CLCN3: variants seen among roughly 807,000 people sequenced by gnomAD.
CLCN3 encodes the protein H(+)/Cl(-) exchange transporter 3.
CLCN3 carries 16 observed loss-of-function variants against 83.4 expected under a neutral mutation model. That is an observed-to-expected ratio of 0.19 (90% CI 0.13 to 0.29). The LOEUF (loss-of-function observed/expected upper bound fraction) is 0.29. CLCN3 is among the 10% of genes least tolerant of loss of function. The pLI, the probability that CLCN3 is intolerant of heterozygous loss-of-function variation, is 1.00. For missense variants in CLCN3, 544 were observed against 1,006.0 expected, an observed-to-expected ratio of 0.54 and a Z score of 6.21; for synonymous variants, 322 against 346.2, an observed-to-expected ratio of 0.93 and a Z score of 0.78.
chr4:169,691,472 G>A (rs942883997), intron 6 of CLCN3, among the ~76,000 whole-genome samples: 4 of 152,154 alleles, frequency 2.6e-5, no homozygotes, highest in African/African-American at 9.6e-5. Context: ...TCACAATAAA[G>A]TAGAGTTATA....
chr4:169,712,052 A>G (rs1276155339), intron 11 of CLCN3, among the ~76,000 whole-genome samples: 5 of 141,456 alleles, frequency 3.5e-5, no homozygotes, highest in Non-Finnish European at 7.6e-5. Flanking sequence ...TTGTAGAAGC[A>G]AGGTTTCCCT....
chr4:169,625,982 G>A (rs1560824000), intron 1 of CLCN3, among the ~76,000 whole-genome samples: 2 of 152,168 alleles, frequency 1.3e-5, no homozygotes, highest in African/African-American at 2.4e-5. Context: ...CGGTGTACCT[G>A]GAGGTAGTGT....
In CLCN3 at chr4:169,723,047, CTTAG is replaced by C. The variant is rs1346498584; in HGVS notation, c.*3054_*3057del. 3 of 152,132 alleles carry C rather than the reference CTTAG, an allele frequency of 2.0e-5. No individual in the cohort carries two copies. The highest frequency in any genetic ancestry group is 2.1e-4 in the South Asian group (1 of 4,826). 9.4% of individuals were successfully genotyped at this position (152,132 alleles called of 1,614,324 possible). A position where few individuals can be genotyped will look rare whatever the true frequency, so the allele number is the denominator to read the frequency against. Reference sequence around the variant, plus strand: ...TTTCAGTTTTGGTTCACGAAGAATGCTTAGTTAATCTGTAATGTTGCCTAGAGCT... The same window carrying C: ...TTTCAGTTTTGGTTCACGAAGAATGCTTAATCTGTAATGTTGCCTAGAGCT... On this transcript the variant is annotated 3_prime_UTR_variant, in exon 13 of 13. Transcript: ENST00000513761.
At chr4:169,718,995 TC>T (rs1733530547) in intron 12 of CLCN3, among the ~76,000 whole-genome samples, 1 of 152,216 alleles carries the variant, frequency 6.6e-6, no homozygotes, top group Non-Finnish European at 1.5e-5. Context: ...TTGATAAGTG[TC>T]CTAGAAACTT....
intron 2 of CLCN3, among the ~76,000 whole-genome samples, chr4:169,674,905 C>A (rs560779093): frequency 2.0e-5 from 3 of 152,248 alleles, no homozygotes; most frequent in Middle Eastern, 3.4e-3. Flanking sequence ...TGCACACCAC[C>A]ATGCCCAGCT....
chr4:169,659,866 T>C (rs746284186), intron 2 of CLCN3, among the ~76,000 whole-genome samples: 80 of 152,022 alleles, frequency 5.3e-4, no homozygotes, highest in Admixed American at 4.7e-3. Flanking sequence ...CTTACTAGAG[T>C]GCTGCTCTCA....
In CLCN3 at chr4:169,720,525, TTTCTC is replaced by T. The variant is rs1733597031; in HGVS notation, c.*530_*534del. On this transcript the variant is annotated 3_prime_UTR_variant, in exon 13 of 13. Coordinates refer to ENST00000513761, the MANE Select transcript of CLCN3 (RefSeq NM_001829.4). ...TTTCTACATTCCAGAAGAGCCTTTA[TTTCTC>T]TCTCTCTCTCTCTCTCTCTCTCTCT... The T allele has an allele frequency of 1.7e-5, 2 of 114,742 alleles. No individual in the cohort carries two copies. The highest frequency in any genetic ancestry group is 3.6e-5 in the Non-Finnish European group (2 of 56,210). The allele number at this position is 114,742 out of a possible 1,614,324, so 7.1% of individuals were successfully genotyped here.
rs551118192 is a variant in CLCN3 at position 169,679,140 on chromosome 4, C to T, written c.161-910C>T. Among the ~76,000 whole-genome samples the T allele has an allele frequency of 6.3e-5, 9 of 141,962 alleles. No homozygotes were observed. The East Asian group carries it at 1.1e-3, about 17-fold the overall frequency. 93.1% of individuals were successfully genotyped at this position (141,962 alleles called of 152,430 possible). Reference sequence around the variant, plus strand: ...GGGCTCCTCACTTCTCAGATGGGGTCGCGGCTGGGCAGAGGTGCTCCTCAC... The same window carrying T: ...GGGCTCCTCACTTCTCAGATGGGGTTGCGGCTGGGCAGAGGTGCTCCTCAC... On this transcript the variant is annotated intron_variant, in intron 2 of 12. Coordinates refer to ENST00000513761, the MANE Select transcript of CLCN3 (RefSeq NM_001829.4).
chr4:169,655,132 A>G (rs1388604334), intron 2 of CLCN3, among the ~76,000 whole-genome samples: 1 of 152,070 alleles, frequency 6.6e-6, no homozygotes, highest in African/African-American at 2.4e-5. Flanking sequence ...ATAACTCCCA[A>G]TATTCTTTGG....
chr4:169,660,608 G>T (rs1407761554), intron 2 of CLCN3, among the ~76,000 whole-genome samples: 1 of 152,112 alleles, frequency 6.6e-6, no homozygotes, highest in Non-Finnish European at 1.5e-5. Context: ...CCTTCTGAAT[G>T]GTTGTGTAGC....
In CLCN3 at chr4:169,630,872, A is replaced by G. The variant is rs1320296494; in HGVS notation, c.-16-5041A>G. On this transcript the variant is annotated intron_variant, in intron 1 of 12. Transcript: ENST00000513761. Reference sequence around the variant, plus strand: ...TCCAGTCCACTATTGATGAGCACCTAGGTTGATTCTGTGTTTTTGCTATTG... The same window carrying G: ...TCCAGTCCACTATTGATGAGCACCTGGGTTGATTCTGTGTTTTTGCTATTG... 2.0e-5 allele frequency among the ~76,000 whole-genome samples: 3 copies of G among 152,312 alleles called. No individual in the cohort carries two copies. In the East Asian group the frequency reaches 5.8e-4, roughly 29 times the overall value.
At chr4:169,695,170 G>A (rs1480061512) in intron 7 of CLCN3, among the ~76,000 whole-genome samples, 1 of 152,134 alleles carries the variant, frequency 6.6e-6, no homozygotes, top group African/African-American at 2.4e-5. Context: ...AAGGTCTTCG[G>A]TTCCCTGCAT....
rs67900605 is a variant in CLCN3 at position 169,636,735 on chromosome 4, G to GTTTT, written c.160+660_160+663dup. 2.4e-3 allele frequency among the ~76,000 whole-genome samples: 285 copies of GTTTT among 119,376 alleles called. 5 individuals carry two copies. The East Asian group carries it at 0.044, about 19-fold the overall frequency. 78.3% of individuals were successfully genotyped at this position (119,376 alleles called of 152,430 possible). On this transcript the variant is annotated intron_variant, in intron 2 of 12. Coordinates refer to ENST00000513761, the MANE Select transcript of CLCN3 (RefSeq NM_001829.4). The stretch of plus-strand genomic sequence containing the variant: ...TTCTACACTGATATTTCATTATTTG[G>GTTTT]TTTTTTTTTTTTTTTTCATATTTTG...
chr4:169,641,689 G>T (rs1228043928), intron 2 of CLCN3, among the ~76,000 whole-genome samples: 1 of 152,212 alleles, frequency 6.6e-6, no homozygotes, highest in Non-Finnish European at 1.5e-5. Flanking sequence ...AGTAGATGCA[G>T]AGTGATAATG....
At chr4:169,674,693 C>T (rs527547964) in intron 2 of CLCN3, among the ~76,000 whole-genome samples, 1 of 152,102 alleles carries the variant, frequency 6.6e-6, no homozygotes, top group East Asian at 1.9e-4. Flanking sequence ...TGGAGTACTT[C>T]TGCTAAAACA....
intron 2 of CLCN3, among the ~76,000 whole-genome samples, chr4:169,679,168 C>T (rs1280346415): frequency 6.6e-5 from 10 of 151,760 alleles, no homozygotes; most frequent in Non-Finnish European, 1.3e-4. Context: ...CTCCTCACCT[C>T]CCAGACAGGG....
At chr4:169,704,274 C>T (rs1027627614) in intron 10 of CLCN3, 90 bp downstream of exon 10, 59 of 1,262,370 alleles carry the variant, frequency 4.7e-5, no homozygotes, top group Admixed American at 8.3e-5. Flanking sequence ...AATTGGTGGG[C>T]GGATTGGTTG....
chr4:169,694,274 A>C (rs537191540), intron 7 of CLCN3, among the ~76,000 whole-genome samples: 104 of 152,290 alleles, frequency 6.8e-4, no homozygotes, highest in Middle Eastern at 3.4e-3. Context: ...ATATTTACTC[A>C]GTCCTTAAGA....
rs150309618 is a variant in CLCN3 at position 169,636,940 on chromosome 4, C to G, written c.160+852C>G. 3.1e-3 allele frequency among the ~76,000 whole-genome samples: 464 copies of G among 151,890 alleles called. 2 individuals carry two copies. The highest frequency in any genetic ancestry group is 0.01 in the African/African-American group (428 of 41,462). On this transcript the variant is annotated intron_variant, in intron 2 of 12. Coordinates refer to ENST00000513761, the MANE Select transcript of CLCN3 (RefSeq NM_001829.4). ...ATTTCTTTTTTTTTTGTCAATTACC[C>G]TATTCAAAGATACTACCAAAGTGGA...
Sources: gnomAD v4.1 joint callset for allele counts (sites outside exome capture counted in the v4.1 genomes callset) on GRCh38, gnomAD v4.1.1 for gene constraint, MANE v1.5 for transcripts, NCBI Gene and HGNC (gene_info 2026-07-23, HGNC 2026-07-21) for gene names.